SLFN12L: variants seen among roughly 807,000 people sequenced by gnomAD.
The protein encoded by SLFN12L is schlafen family member 12 like.
Under a neutral mutation model 34.8 loss-of-function variants are expected in SLFN12L, and 34 were observed. The observed-to-expected ratio is 0.98, with a 90% CI of 0.74 to 1.30. The LOEUF (loss-of-function observed/expected upper bound fraction) is 1.30, where lower values mean the gene tolerates loss of function less well. Among genes scored for constraint, SLFN12L ranks in the 50% most tolerant of loss-of-function variants. SLFN12L has a pLI of 0.00. For synonymous variants in SLFN12L, 259 were observed against 247.5 expected (o/e 1.05, Z -0.44); for missense variants, 703 against 696.2 (o/e 1.01, Z -0.11).
At chr17:35,478,464 G>A in intron 3 of SLFN12L, 1 of 213,738 alleles carries the variant, frequency 4.7e-6, no homozygotes, top group Non-Finnish European at 9.2e-6. Flanking sequence ...ATATAACTGA[G>A]TTTATTTTAA....
At chr17:35,505,664 T>C (rs1376024297) in intron 2 of SLFN12L, among the ~76,000 whole-genome samples, 1 of 152,144 alleles carries the variant, frequency 6.6e-6, no homozygotes, top group African/African-American at 2.4e-5. Context: ...CCGTTTATTC[T>C]AGTGGGACCA....
intron 2 of SLFN12L, among the ~76,000 whole-genome samples, chr17:35,512,366 T>A (rs1362452742): frequency 7.5e-6 from 1 of 133,506 alleles, no homozygotes; most frequent in African/African-American, 3.0e-5. Context: ...CTGATTTTTT[T>A]TTTTTTTTTT....
intron 2 of SLFN12L, among the ~76,000 whole-genome samples, chr17:35,492,557 C>G (rs1914877866): frequency 6.6e-6 from 1 of 152,192 alleles, no homozygotes; most frequent in Non-Finnish European, 1.5e-5. Context: ...TGGAATAGTT[C>G]TGGCCAGACC....
intron 1 of SLFN12L, among the ~76,000 whole-genome samples, chr17:35,530,075 G>A (rs887421125): frequency 2.0e-4 from 30 of 147,474 alleles, no homozygotes; most frequent in Middle Eastern, 3.6e-3. Flanking sequence ...CATCTGTCAC[G>A]TCTTTTGGTA....
intron 4 of SLFN12L, among the ~76,000 whole-genome samples, chr17:35,476,454 C>CAAGGAAGG (rs59968985): frequency 0.02 from 2,093 of 105,502 alleles, 29 homozygotes; most frequent in Admixed American, 0.027. Flanking sequence ...GAAAAGAAAG[C>CAAGGAAGG]AAGGAAGGAA....
rs759523977 is a variant in SLFN12L at position 35,472,042 on chromosome 17, T to C, written c.*2881A>G. Among the ~76,000 whole-genome samples the C allele has an allele frequency of 6.6e-6, 1 of 152,248 alleles. No individual in the cohort carries two copies. Among genetic ancestry groups the C allele is most frequent in the Non-Finnish European group, 1.5e-5 (1 of 68,044 alleles). On this transcript the variant is annotated 3_prime_UTR_variant, in exon 5 of 5. Coordinates refer to ENST00000628453, the MANE Select transcript of SLFN12L (RefSeq NM_001363830.2). ...TCACTCTGATGGTGGTTTCTTTCCC[T>C]GTACAGAAGCTCTTTAGTTTAATTA...
At chr17:35,477,386 C>T (rs552316758) in intron 4 of SLFN12L, among the ~76,000 whole-genome samples, 1 of 152,140 alleles carries the variant, frequency 6.6e-6, no homozygotes, top group South Asian at 2.1e-4. Context: ...TTACACAAGG[C>T]ACAAAGAGCA....
At chr17:35,494,858 G>A (rs1056109793) in intron 2 of SLFN12L, among the ~76,000 whole-genome samples, 2 of 151,328 alleles carry the variant, frequency 1.3e-5, no homozygotes, top group East Asian at 1.9e-4. Flanking sequence ...ATTTATCACC[G>A]ATTTTTGCGT....
At position 35,509,485 on chromosome 17, in the gene SLFN12L, T is replaced by C. The variant is rs181901160; in HGVS notation, c.86+12794A>G. 5.3e-5 allele frequency among the ~76,000 whole-genome samples: 8 copies of C among 152,288 alleles called. No homozygotes were observed. The East Asian group carries it at 1.5e-3, about 29-fold the overall frequency. On this transcript the variant is annotated intron_variant, in intron 2 of 4. Coordinates refer to ENST00000628453, the MANE Select transcript of SLFN12L (RefSeq NM_001363830.2). ...GGGCTTCCTGTGTGGGATTTCTGCA[T>C]GCCCGCCCATTTAGTCACAGCAATT...
At chr17:35,490,247 C>A in intron 2 of SLFN12L, 1 of 1,541,122 alleles carries the variant, frequency 6.5e-7, no homozygotes, top group South Asian at 1.1e-5. Context: ...AGAAAGCGGT[C>A]ATCAGTACCT....
intron 1 of SLFN12L, among the ~76,000 whole-genome samples, chr17:35,530,618 T>C (rs1373241833): frequency 6.6e-6 from 1 of 151,764 alleles, no homozygotes; most frequent in Non-Finnish European, 1.5e-5. Context: ...GTGGGGGAAA[T>C]GAAGATGGCC....
Sources: gnomAD v4.1 joint callset for allele counts (sites outside exome capture counted in the v4.1 genomes callset) on GRCh38, gnomAD v4.1.1 for gene constraint, MANE v1.5 for transcripts, NCBI Gene and HGNC (gene_info 2026-07-23, HGNC 2026-07-21) for gene names.